The following TMEM201 variants were observed in gnomAD, a reference collection of about 807,000 sequenced individuals.
TMEM201 encodes transmembrane protein 201.
In TMEM201, 26 loss-of-function variants were observed where a neutral mutation model predicts 63.4. That is an observed-to-expected ratio of 0.41 (90% CI 0.30 to 0.57). The LOEUF (loss-of-function observed/expected upper bound fraction) is 0.57. Among genes scored for constraint, TMEM201 ranks in the 20% least tolerant of loss-of-function variants. The pLI, the probability that TMEM201 is intolerant of heterozygous loss-of-function variation, is 0.29. For synonymous variants in TMEM201, 417 were observed against 421.6 expected, an observed-to-expected ratio of 0.99 and a Z score of 0.14; for missense variants, 794 against 917.7, an observed-to-expected ratio of 0.87 and a Z score of 1.74.
rs550300800 is a variant in TMEM201, at chr1:9,610,077, G to A, written c.1465+166G>A. Among the ~76,000 whole-genome samples the A allele has an allele frequency of 3.5e-4, 54 of 152,298 alleles. No homozygotes were observed. Among genetic ancestry groups the A allele is most frequent in the African/African-American group, 1.1e-3 (45 of 41,566 alleles). On this transcript the variant is annotated intron_variant, in intron 8 of 10. Coordinates refer to ENST00000340381, the MANE Select transcript of TMEM201 (RefSeq NM_001130924.3). The surrounding 1 kb of genome is among the most constrained non-coding windows in gnomAD (Gnocchi z 4.9). ...CACCTGTGCCTCAGTTTCCTCTTGCGTGAAATGGGAATGACAGTCTCTAGG... is the reference window on the plus strand; with the variant it reads ...CACCTGTGCCTCAGTTTCCTCTTGCATGAAATGGGAATGACAGTCTCTAGG...
At chr1:9,597,128 G>A (rs1041737117) in intron 3 of TMEM201, 75 bp downstream of exon 3, 2 of 1,494,526 alleles carry the variant, frequency 1.3e-6, no homozygotes, top group East Asian at 2.3e-5. Flanking sequence ...ACAGGCACGT[G>A]CAGGGTGCTG....
Position 9,614,030 on chromosome 1 carries a change from T to G in TMEM201, c.*947T>G, listed in dbSNP as rs1266376333. 1 of 152,248 alleles carries G rather than the reference T, an allele frequency of 6.6e-6. No homozygotes were observed. The highest frequency in any genetic ancestry group is 1.5e-5 in the Non-Finnish European group (1 of 68,104). The allele number at this position is 152,248 out of a possible 1,614,324, so 9.4% of individuals were successfully genotyped here. A position where few individuals can be genotyped will look rare whatever the true frequency, so the allele number is the denominator to read the frequency against. On this transcript the variant is annotated 3_prime_UTR_variant, in exon 11 of 11. Coordinates refer to ENST00000340381, the MANE Select transcript of TMEM201 (RefSeq NM_001130924.3). ...CTCTTGCCCACTCCCCTGCTGGGGC[T>G]CCTTCCTGGCACTGAGGAGGGGCGC...
In TMEM201 at chr1:9,608,343, C is replaced by G. The variant is rs563273953; in HGVS notation, c.1393+554C>G. Among the ~76,000 whole-genome samples, 1 of 152,322 alleles carries G rather than the reference C, an allele frequency of 6.6e-6. No individual in the cohort carries two copies. Among genetic ancestry groups the G allele is most frequent in the East Asian group, 1.9e-4 (1 of 5,186 alleles). On this transcript the variant is annotated intron_variant, in intron 7 of 10. Transcript: ENST00000340381. This position sits in a 1 kb window ranked among gnomAD's most constrained non-coding sequence, Gnocchi z 4.3. ...ACATGACCTTGGGTAAATGTGTGCA[C>G]CGTGCTGTGCCCTAATCTTTTCCTC... is the stretch of plus-strand genomic sequence containing the variant.
chr1:9,602,367 CTT>C, intron 6 of TMEM201, 95 bp downstream of exon 6: 1 of 1,527,124 alleles, frequency 6.5e-7, no homozygotes, highest in Non-Finnish European at 8.8e-7. Flanking sequence ...TGTCCTGCCT[CTT>C]TTCACCTGCT....
At position 9,604,765 on chromosome 1, in the gene TMEM201, C is replaced by A; in HGVS notation, c.1160+2493C>A. 1 of 986,026 alleles carries A rather than the reference C, an allele frequency of 1.0e-6. No individual in the cohort carries two copies. The highest frequency in any genetic ancestry group is 1.2e-6 in the Non-Finnish European group (1 of 830,038). The allele number at this position is 986,026 out of a possible 1,614,324, so 61.1% of individuals were successfully genotyped here. On this transcript the variant is annotated intron_variant, in intron 6 of 10. Coordinates refer to ENST00000340381, the MANE Select transcript of TMEM201 (RefSeq NM_001130924.3). This position sits in a 1 kb window ranked among gnomAD's most constrained non-coding sequence, Gnocchi z 4.1. ...GCCTCCACGCCGCACCTGCCACATT[C>A]AGCCCTGCCCAGGAAGGAACACATG... is the stretch of plus-strand genomic sequence containing the variant.
rs1210141364 is a variant in TMEM201 at position 9,597,032 on chromosome 1, C to T, written c.408C>T (p.Ala136=). 10 of 1,606,756 alleles carry T rather than the reference C, an allele frequency of 6.2e-6. No homozygotes were observed. Among genetic ancestry groups the T allele is most frequent in the South Asian group, 1.1e-5 (1 of 90,846 alleles). ...AGACCACCAAGATCAAGCAGCTGGCCGCCTTCGCTCCCCGCGAGGAGGTGA... is the reference window on the plus strand; with the variant it reads ...AGACCACCAAGATCAAGCAGCTGGCTGCCTTCGCTCCCCGCGAGGAGGTGA... The part of the protein sequence containing the change: ...HHQTTKIKQL[A]AFAPREEGRY... Residue 136 remains alanine, a synonymous_variant, in exon 3 of 11, where the codon GCC becomes GCT. Transcript: ENST00000340381.
chr1:9,598,741 TTTTTA>T (rs924251860), intron 4 of TMEM201, 116 bp downstream of exon 4: 112 of 956,842 alleles, frequency 1.2e-4, no homozygotes, highest in Non-Finnish European at 1.5e-4. Flanking sequence ...AGCCCCTTTA[TTTTTA>T]TTTTATTTTA....
In TMEM201 at chr1:9,607,712, G is replaced by A. The variant is rs1399436213; in HGVS notation, c.1316G>A (p.Arg439Gln). 9 of 1,551,822 alleles carry A rather than the reference G, an allele frequency of 5.8e-6. No individual in the cohort carries two copies. Among genetic ancestry groups the A allele is most frequent in the East Asian group, 4.9e-5 (2 of 40,918 alleles). The part of the protein sequence containing the change: ...ANQQLFRSPR[R>Q]TSPSSLPGRL... The stretch of plus-strand genomic sequence containing the variant: ...CAGCAGCTCTTCCGGTCTCCTCGAC[G>A]GACCTCACCCTCCTCATTGCCTGGC... The change falls in exon 7 of 11, where the codon CGG becomes CAG. Residue 439 changes from arginine to glutamine, a missense_variant. By Grantham distance (43) the Arg-to-Gln change is conservative (BLOSUM62 1). Coordinates refer to ENST00000340381, the MANE Select transcript of TMEM201 (RefSeq NM_001130924.3). The surrounding 1 kb of genome is among the most constrained non-coding windows in gnomAD (Gnocchi z 5.4).
chr1:9,593,467 A>T (rs1168487136), intron 1 of TMEM201, among the ~76,000 whole-genome samples: 1 of 152,082 alleles, frequency 6.6e-6, no homozygotes, highest in African/African-American at 2.4e-5. Context: ...CCCACCCCCA[A>T]CTCTAGCAGG....
chr1:9,601,536 C>A, intron 5 of TMEM201, 82 bp downstream of exon 5: 1 of 1,317,468 alleles, frequency 7.6e-7, no homozygotes, highest in Non-Finnish European at 1.0e-6. Flanking sequence ...CCAAGAGACC[C>A]CATTGGGTGC....
In TMEM201 at chr1:9,603,888, G is replaced by A; in HGVS notation, c.1160+1616G>A. 2 of 985,498 alleles carry A rather than the reference G, an allele frequency of 2.0e-6. No individual in the cohort carries two copies. The highest frequency in any genetic ancestry group is 2.4e-6 in the Non-Finnish European group (2 of 829,948). The allele number at this position is 985,498 out of a possible 1,614,324, so 61.0% of individuals were successfully genotyped here. On this transcript the variant is annotated intron_variant, in intron 6 of 10. Transcript: ENST00000340381. The surrounding 1 kb of genome is among the most constrained non-coding windows in gnomAD (Gnocchi z 4.5). Reference sequence around the variant, plus strand: ...TACTGGGCTCAGCTTGTTGTTCTGTGTGGAGCGTGAGGTGAGAAAACCCCT... The same window carrying A: ...TACTGGGCTCAGCTTGTTGTTCTGTATGGAGCGTGAGGTGAGAAAACCCCT...
rs866829727 is a variant in TMEM201, at chr1:9,589,016, G to C, written c.86G>C (p.Gly29Ala). The C allele has an allele frequency of 1.7e-6, 2 of 1,170,426 alleles. No individual in the cohort carries two copies. The highest frequency in any genetic ancestry group is 1.7e-5 in the African/African-American group (1 of 59,878). The allele number at this position is 1,170,426 out of a possible 1,614,324, so 72.5% of individuals were successfully genotyped here. The change falls in exon 1 of 11, where the codon GGC (glycine) becomes GCC (alanine). Residue 29 changes from glycine to alanine, a missense_variant. Physicochemically the swap from Gly to Ala is moderately conservative, Grantham distance 60 (BLOSUM62 0). Coordinates refer to ENST00000340381, the MANE Select transcript of TMEM201 (RefSeq NM_001130924.3). The stretch of plus-strand genomic sequence containing the variant: ...GGGGTCACGGCGTGCGCCGCGGCCG[G>C]CGTGTTGCTCTACCGGATCGCGCGG... Reference protein sequence around the residue: ...GLGVTACAAAGVLLYRIARRM... With the variant: ...GLGVTACAAAAVLLYRIARRM...
chr1:9,601,256 G>T lies in TMEM201; in HGVS notation c.758G>T (p.Gly253Val). ...GTTVPLALPP[G>V]GNGSATPDNG... ...ACTGTGCCCCTGGCCCTGCCACCTG[G>T]TGGCAATGGCTCAGCCACACCTGAC... is the stretch of plus-strand genomic sequence containing the variant. The change falls in exon 5 of 11, where the codon GGT becomes GTT. Residue 253 changes from glycine (G) to valine (V), a missense_variant. Transcript: ENST00000340381. 1 of 1,611,074 alleles carries T rather than the reference G, an allele frequency of 6.2e-7. No homozygotes were observed. The highest frequency in any genetic ancestry group is 8.5e-7 in the Non-Finnish European group (1 of 1,179,772).
chr1:9,595,765 A>C, intron 1 of TMEM201, 125 bp from the exon 2 acceptor site: 3 of 1,408,056 alleles, frequency 2.1e-6, no homozygotes, highest in Non-Finnish European at 2.9e-6. Flanking sequence ...CCAGCTTTGC[A>C]TCCCCAGATC....
In TMEM201 at chr1:9,607,473, G is replaced by A; in HGVS notation, c.1161-84G>A. ...CTGAGGCCCCCACCTTGCACTGTGG[G>A]AGAGGGGTGGGACCCACTGCAAGGC... On this transcript the variant is annotated intron_variant, in intron 6 of 10. Coordinates refer to ENST00000340381, the MANE Select transcript of TMEM201 (RefSeq NM_001130924.3). The surrounding 1 kb of genome is among the most constrained non-coding windows in gnomAD (Gnocchi z 5.4). The A allele has an allele frequency of 2.8e-6, 3 of 1,081,748 alleles. No homozygotes were observed. The highest frequency in any genetic ancestry group is 4.0e-6 in the Non-Finnish European group (3 of 755,874). 67.0% of individuals were successfully genotyped at this position (1,081,748 alleles called of 1,614,324 possible).
In TMEM201 at chr1:9,611,696, G is replaced by T; in HGVS notation, c.1766-57G>T. Reference sequence around the variant, plus strand: ...TAGAGTGGAAGTACAGCTGCCCCGCGTCTGTCCCTGGAGGGAGCCATGAGC... The same window carrying T: ...TAGAGTGGAAGTACAGCTGCCCCGCTTCTGTCCCTGGAGGGAGCCATGAGC... On this transcript the variant is annotated intron_variant, in intron 9 of 10. Transcript: ENST00000340381. 4 of 1,548,002 alleles carry T rather than the reference G, an allele frequency of 2.6e-6. No homozygotes were observed. The East Asian group carries it at 7.3e-5, about 28-fold the overall frequency.
At position 9,609,961 on chromosome 1, in the gene TMEM201, G is replaced by A. The variant is rs1223947689; in HGVS notation, c.1465+50G>A. 6 of 1,518,678 alleles carry A rather than the reference G, an allele frequency of 4.0e-6. No homozygotes were observed. The African/African-American group carries it at 4.1e-5, about 10-fold the overall frequency. The allele number at this position is 1,518,678 out of a possible 1,614,324, so 94.1% of individuals were successfully genotyped here. A position where few individuals can be genotyped will look rare whatever the true frequency, so the allele number is the denominator to read the frequency against. ...GGGGACGGGGCAACATGAAGCCCGG[G>A]CGTTCCAGAGCATGGTGGTTTGTGT... On this transcript the variant is annotated intron_variant, in intron 8 of 10. Coordinates refer to ENST00000340381, the MANE Select transcript of TMEM201 (RefSeq NM_001130924.3).
At chr1:9,600,153 G>A (rs1223615014) in intron 4 of TMEM201, among the ~76,000 whole-genome samples, 1 of 152,096 alleles carries the variant, frequency 6.6e-6, no homozygotes, top group African/African-American at 2.4e-5. Context: ...GACACAAAGG[G>A]GTGGATAGGA....
chr1:9,607,856 G>C lies in TMEM201; in HGVS notation c.1393+67G>C. On this transcript the variant is annotated intron_variant, in intron 7 of 10. Transcript: ENST00000340381. This position sits in a 1 kb window ranked among gnomAD's most constrained non-coding sequence, Gnocchi z 5.4. ...GCAGCTGGGACAGAACTGTGGATGG[G>C]TACATAGTGTAGGGAGGGCCGGGAG... 1 of 1,422,766 alleles carries C rather than the reference G, an allele frequency of 7.0e-7. No homozygotes were observed. The highest frequency in any genetic ancestry group is 1.3e-5 in the South Asian group (1 of 76,848). 88.1% of individuals were successfully genotyped at this position (1,422,766 alleles called of 1,614,324 possible).
Sources: gnomAD v4.1 joint callset for allele counts (sites outside exome capture counted in the v4.1 genomes callset) on GRCh38, gnomAD v4.1.1 for gene constraint, Gnocchi (gnomAD v3.1) non-coding constraint, MANE v1.5 for transcripts, NCBI Gene and HGNC (gene_info 2026-07-23, HGNC 2026-07-21) for gene names.